The following MCPH1 variants were observed in gnomAD, a reference collection of about 807,000 sequenced individuals.
MCPH1 encodes microcephalin 1.
MCPH1 carries 104 observed loss-of-function variants against 84.5 expected under a neutral mutation model. The ratio of observed to expected loss-of-function variants is 1.23; its 90% CI spans 1.05 to 1.45. The LOEUF is 1.45. Among genes scored for constraint, MCPH1 ranks in the 40% most tolerant of loss-of-function variants. The probability of loss-of-function intolerance (pLI) is 0.00; values close to 1 mark genes in which losing one functional copy is unlikely to be tolerated. For missense variants in MCPH1, 1,498 were observed against 1,005.7 expected, an observed-to-expected ratio of 1.49 and a Z score of -6.62; for synonymous variants, 514 against 366.8, an observed-to-expected ratio of 1.40 and a Z score of -4.58.
Position 6,602,158 on chromosome 8 carries a change from A to G in MCPH1, c.2215-19296A>G, listed in dbSNP as rs1829421526. Among the ~76,000 whole-genome samples, 3 of 152,206 alleles carry G rather than the reference A, an allele frequency of 2.0e-5. No individual in the cohort carries two copies. In the South Asian group the frequency reaches 6.2e-4, roughly 32 times the overall value. On this transcript the variant is annotated intron_variant, in intron 12 of 13. Transcript: ENST00000344683. ...GTGCAGTGAGAGCCAAGCTCAGGAA[A>G]ACCAGTGTCCTTGAGCAGAAAGACT...
At chr8:6,642,828 T>C in intron 13 of MCPH1, 166 bp from the exon 14 acceptor site, 1 of 695,506 alleles carries the variant, frequency 1.4e-6, no homozygotes, top group Non-Finnish European at 2.6e-6. Flanking sequence ...CGTTTCACGT[T>C]AATTTAAAAA....
chr8:6,614,377 G>A (rs920542013), intron 12 of MCPH1, among the ~76,000 whole-genome samples: 3 of 152,134 alleles, frequency 2.0e-5, no homozygotes, highest in Non-Finnish European at 2.9e-5. Flanking sequence ...CCAGGCTGGC[G>A]CCTCCTCCCC....
chr8:6,514,884 G>T lies in MCPH1; in HGVS notation c.2214+14955G>T. On this transcript the variant is annotated intron_variant, in intron 12 of 13. Coordinates refer to ENST00000344683, the MANE Select transcript of MCPH1 (RefSeq NM_024596.5). Reference sequence around the variant, plus strand: ...CCTGAGTGCAGGACTCAGCCGAGAGGGTTCTCTGGGATATAAGGCACGGAG... The same window carrying T: ...CCTGAGTGCAGGACTCAGCCGAGAGTGTTCTCTGGGATATAAGGCACGGAG... The T allele has an allele frequency of 3.4e-6, 3 of 884,194 alleles. No individual in the cohort carries two copies. In the South Asian group the frequency reaches 4.7e-5, roughly 14 times the overall value. 54.8% of individuals were successfully genotyped at this position (884,194 alleles called of 1,614,324 possible).
At chr8:6,569,572 G>A (rs1048091042) in intron 12 of MCPH1, among the ~76,000 whole-genome samples, 6 of 152,186 alleles carry the variant, frequency 3.9e-5, no homozygotes, top group African/African-American at 2.4e-5. Context: ...AAACACACAC[G>A]TATAAACATG....
At chr8:6,442,199 A>C (rs771191596) in intron 7 of MCPH1, 43 bp downstream of exon 7, 32 of 1,244,488 alleles carry the variant, frequency 2.6e-5, no homozygotes, top group South Asian at 2.4e-4. Context: ...TTAAGTTTTG[A>C]GAATAATATG....
At chr8:6,448,583 A>G (rs1292536802) in intron 8 of MCPH1, among the ~76,000 whole-genome samples, 10 of 152,216 alleles carry the variant, frequency 6.6e-5, no homozygotes, top group Non-Finnish European at 1.3e-4. Flanking sequence ...TGTCTGCACG[A>G]AGCAGCCACT....
At chr8:6,580,372 T>G (rs1280778188) in intron 12 of MCPH1, among the ~76,000 whole-genome samples, 1 of 152,116 alleles carries the variant, frequency 6.6e-6, no homozygotes, top group Admixed American at 6.5e-5. Flanking sequence ...ATTTCAGAGT[T>G]GGGGCCAGGC....
intron 2 of MCPH1, 74 bp from the exon 3 acceptor site, chr8:6,414,691 G>T: frequency 1.3e-6 from 2 of 1,536,166 alleles, no homozygotes; most frequent in South Asian, 1.2e-5. Flanking sequence ...CTGGGGTAGA[G>T]GTTTTTTGAT....
intron 12 of MCPH1, among the ~76,000 whole-genome samples, chr8:6,619,364 C>G (rs776294682): frequency 1.3e-5 from 2 of 152,242 alleles, no homozygotes; most frequent in Non-Finnish European, 2.9e-5. Context: ...CATCTCTGCT[C>G]ACTGCCACCT....
chr8:6,513,755 G>C, intron 12 of MCPH1: 3 of 1,613,836 alleles, frequency 1.9e-6, no homozygotes, highest in Non-Finnish European at 2.5e-6. Flanking sequence ...AGTCTTTAAG[G>C]TGTATTTTAA....
chr8:6,435,106 G>C lies in MCPH1; in HGVS notation c.322-942G>C, dbSNP rs1480947615. On this transcript the variant is annotated intron_variant, in intron 4 of 13. Transcript: ENST00000344683. ...AGCCTGGGGTTTCATGTGTTTGTGA[G>C]TGTAGTTACAGTTTTTGGGTTTTAC... Among the ~76,000 whole-genome samples, 5 of 152,204 alleles carry C rather than the reference G, an allele frequency of 3.3e-5. No individual in the cohort carries two copies. In the East Asian group the frequency reaches 9.6e-4, roughly 29 times the overall value.
At chr8:6,441,364 A>G (rs1232058657) in intron 6 of MCPH1, among the ~76,000 whole-genome samples, 1 of 151,438 alleles carries the variant, frequency 6.6e-6, no homozygotes, top group Non-Finnish European at 1.5e-5. Flanking sequence ...TGAAAATTTT[A>G]TGTGTGCTTC....
At chr8:6,446,996 G>T in intron 8 of MCPH1, 1 of 978,698 alleles carries the variant, frequency 1.0e-6, no homozygotes, top group Non-Finnish European at 1.2e-6. Context: ...AGTGGTGCAG[G>T]CCATCAGGCA....
At chr8:6,453,291 T>C (rs1224512403) in intron 8 of MCPH1, among the ~76,000 whole-genome samples, 1 of 148,616 alleles carries the variant, frequency 6.7e-6, no homozygotes, top group Non-Finnish European at 1.5e-5. Flanking sequence ...CACTGGCAAA[T>C]TAGTGTGGCA....
At chr8:6,532,243 C>G (rs1819659585) in intron 12 of MCPH1, 2 of 1,484,538 alleles carry the variant, frequency 1.3e-6, no homozygotes, top group Non-Finnish European at 1.8e-6. Flanking sequence ...TCTTTAGTTT[C>G]TCATGCCTTC....
chr8:6,437,610 C>A (rs759288795), intron 5 of MCPH1, among the ~76,000 whole-genome samples: 2 of 152,200 alleles, frequency 1.3e-5, no homozygotes, highest in African/African-American at 4.8e-5. Context: ...ACATAATTTT[C>A]CAGAAACATG....
intron 3 of MCPH1, among the ~76,000 whole-genome samples, chr8:6,417,892 A>G (rs989566004): frequency 9.9e-5 from 15 of 152,208 alleles, no homozygotes; most frequent in African/African-American, 2.9e-4. Flanking sequence ...TGTAAATACT[A>G]TGTAGACTCT....
At chr8:6,450,832 T>G (rs1267000644) in intron 8 of MCPH1, among the ~76,000 whole-genome samples, 1 of 152,070 alleles carries the variant, frequency 6.6e-6, no homozygotes, top group African/African-American at 2.4e-5. Flanking sequence ...AGCCTCAACT[T>G]ACTGGGCTCA....
At chr8:6,567,991 C>T (rs1826340310) in intron 12 of MCPH1, among the ~76,000 whole-genome samples, 1 of 152,196 alleles carries the variant, frequency 6.6e-6, no homozygotes, top group Admixed American at 6.5e-5. Flanking sequence ...TTTTCTCCCC[C>T]ATATTCTGTG....
Sources: gnomAD v4.1 joint callset for allele counts (sites outside exome capture counted in the v4.1 genomes callset) on GRCh38, gnomAD v4.1.1 for gene constraint, MANE v1.5 for transcripts, NCBI Gene and HGNC (gene_info 2026-07-23, HGNC 2026-07-21) for gene names.